EXOC2: variants seen among roughly 807,000 people sequenced by gnomAD.
The protein encoded by EXOC2 is SEC5-like 1.
Under a neutral mutation model 131.8 loss-of-function variants are expected in EXOC2, and 70 were observed. The ratio of observed to expected loss-of-function variants is 0.53; its 90% confidence interval spans 0.44 to 0.65. The LOEUF is 0.65. EXOC2 is among the 30% of genes least tolerant of loss of function. The pLI is 0.00. For missense variants in EXOC2, 923 were observed against 1,108.6 expected (o/e 0.83, Z 2.38); for synonymous variants, 411 against 398.4 (o/e 1.03, Z -0.38).
At chr6:673,496 G>A (rs1763970051) in intron 1 of EXOC2, among the ~76,000 whole-genome samples, 1 of 152,036 alleles carries the variant, frequency 6.6e-6, no homozygotes, top group African/African-American at 2.4e-5. Context: ...AAACAGAAAA[G>A]ATTTCTATTT....
At chr6:529,104 C>T (rs9504229) in intron 23 of EXOC2, among the ~76,000 whole-genome samples, 13,441 of 125,776 alleles carry the variant, frequency 0.11, 877 homozygotes, top group Admixed American at 0.14. Flanking sequence ...AGCCCGGCAT[C>T]GCCTGCCTTT....
rs778414700 is a variant in EXOC2, at chr6:564,633, G to A, written c.1579C>T (p.Arg527Trp). The A allele has an allele frequency of 8.7e-6, 14 of 1,612,354 alleles. No homozygotes were observed. The highest frequency in any genetic ancestry group is 1.3e-5 in the African/African-American group (1 of 74,816). ...CCGTACTGCTTGGCTTCCCCATCCC[G>A]GATGCTGAGGGGAAGCAGGGCTCCG... The part of the protein sequence containing the change: ...TRGALLPLSI[R>W]DGEAKQYGGW... The change falls in exon 15 of 28, where the codon CGG becomes TGG. Residue 527 changes from arginine to tryptophan, a missense_variant. Arg to Trp is a moderately radical substitution (Grantham distance 101). Coordinates refer to ENST00000230449, the MANE Select transcript of EXOC2 (RefSeq NM_018303.6).
intron 7 of EXOC2, among the ~76,000 whole-genome samples, chr6:600,454 T>C (rs1424887457): frequency 2.6e-5 from 4 of 152,196 alleles, no homozygotes; most frequent in African/African-American, 9.6e-5. Context: ...TTAAAAAATA[T>C]AAATTTCAAG....
At chr6:680,512 A>T (rs1240259626) in intron 1 of EXOC2, among the ~76,000 whole-genome samples, 1 of 152,198 alleles carries the variant, frequency 6.6e-6, no homozygotes, top group Non-Finnish European at 1.5e-5. Flanking sequence ...CCCTGTGGCA[A>T]TAAGCATGTA....
At chr6:570,136 C>CTTTT (rs11423850) in intron 13 of EXOC2, among the ~76,000 whole-genome samples, 2 of 139,968 alleles carry the variant, frequency 1.4e-5, no homozygotes, top group Non-Finnish European at 3.1e-5. Flanking sequence ...AATTCTTTCT[C>CTTTT]TTTTTTTTTT....
chr6:583,554 C>T (rs1759032073), intron 11 of EXOC2, among the ~76,000 whole-genome samples: 1 of 152,210 alleles, frequency 6.6e-6, no homozygotes, highest in African/African-American at 2.4e-5. Flanking sequence ...TACTTTACTA[C>T]ATGGGGATCT....
At position 486,658 on chromosome 6, in the gene EXOC2, A is replaced by G. The variant is rs367643711; in HGVS notation, c.*13T>C. ...CGTGTTATTTTCCTGGACTTCTTTT[A>G]TGTGGCAGATATTTATGTTTTCATC... is the stretch of plus-strand genomic sequence containing the variant. On this transcript the variant is annotated 3_prime_UTR_variant, in exon 28 of 28. Coordinates refer to ENST00000230449, the MANE Select transcript of EXOC2 (RefSeq NM_018303.6). The G allele has an allele frequency of 3.2e-5, 51 of 1,611,040 alleles. No individual in the cohort carries two copies. Among genetic ancestry groups the G allele is most frequent in the East Asian group, 2.7e-4 (12 of 44,856 alleles).
chr6:511,620 T>C (rs1052825445), intron 23 of EXOC2, among the ~76,000 whole-genome samples: 7 of 152,228 alleles, frequency 4.6e-5, no homozygotes, highest in South Asian at 2.1e-4. Flanking sequence ...GGCATCTGGA[T>C]TGAACCCAGC....
chr6:687,363 T>G (rs1308261276), intron 1 of EXOC2, among the ~76,000 whole-genome samples: 1 of 151,810 alleles, frequency 6.6e-6, no homozygotes, highest in Admixed American at 6.6e-5. Flanking sequence ...TTCTAATTTT[T>G]GTAGAAAAGG....
At chr6:584,355 A>G (rs1234888958) in intron 11 of EXOC2, among the ~76,000 whole-genome samples, 1 of 152,266 alleles carries the variant, frequency 6.6e-6, no homozygotes, top group Non-Finnish European at 1.5e-5. Context: ...TTTTTAAAAT[A>G]GCAAGATATA....
At chr6:553,514 G>A (rs917876148) in intron 21 of EXOC2, among the ~76,000 whole-genome samples, 6 of 152,098 alleles carry the variant, frequency 3.9e-5, no homozygotes, top group East Asian at 1.9e-4. Flanking sequence ...GGCAGGAGCC[G>A]TGAGGGGGTG....
chr6:510,226 G>A lies in EXOC2; in HGVS notation c.2381-10526C>T, dbSNP rs573775693. On this transcript the variant is annotated intron_variant, in intron 23 of 27. Coordinates refer to ENST00000230449, the MANE Select transcript of EXOC2 (RefSeq NM_018303.6). ...ACTAAAGAGTTTTAAGTTCCCCTTC[G>A]TCAGGTTTTAGTGCCCTCATTCCCA... is the stretch of plus-strand genomic sequence containing the variant. Among the ~76,000 whole-genome samples the A allele has an allele frequency of 1.9e-3, 290 of 152,230 alleles. 2 individuals are homozygous for A. Among genetic ancestry groups the A allele is most frequent in the African/African-American group, 4.5e-3 (189 of 41,550 alleles).
At chr6:599,280 T>C (rs751422970) in intron 7 of EXOC2, 55 bp from the exon 8 acceptor site, 252 of 1,482,768 alleles carry the variant, frequency 1.7e-4, no homozygotes, top group Non-Finnish European at 2.2e-4. Flanking sequence ...AATCAGAAAA[T>C]GTGTAACTGG....
At chr6:489,663 A>C (rs1203021064) in intron 26 of EXOC2, among the ~76,000 whole-genome samples, 2 of 152,266 alleles carry the variant, frequency 1.3e-5, no homozygotes, top group African/African-American at 2.4e-5. Flanking sequence ...AAACCAAATG[A>C]AAAGCATCAT....
At chr6:507,189 C>A (rs1374994498) in intron 23 of EXOC2, among the ~76,000 whole-genome samples, 2 of 20,870 alleles carry the variant, frequency 9.6e-5, no homozygotes, top group Non-Finnish European at 2.7e-4. Context: ...CAGCAGTGAC[C>A]CCCCCCACAC....
At chr6:593,749 A>G (rs1336152091) in intron 10 of EXOC2, among the ~76,000 whole-genome samples, 3 of 152,244 alleles carry the variant, frequency 2.0e-5, no homozygotes. Flanking sequence ...GTAAATCATC[A>G]TCAATGGCTC....
At chr6:632,786 T>C (rs1388821335) in intron 3 of EXOC2, among the ~76,000 whole-genome samples, 155 bp downstream of exon 3, 1 of 152,184 alleles carries the variant, frequency 6.6e-6, no homozygotes, top group East Asian at 1.9e-4. Context: ...ACACAAATAT[T>C]AACCAACATC....
chr6:665,480 A>T (rs750558537), intron 1 of EXOC2, among the ~76,000 whole-genome samples: 4 of 152,230 alleles, frequency 2.6e-5, no homozygotes, highest in Non-Finnish European at 4.4e-5. Flanking sequence ...AGATTCTTGC[A>T]CATACGTTTA....
intron 12 of EXOC2, 40 bp downstream of exon 12, chr6:576,717 A>T (rs1758599174): frequency 1.2e-6 from 2 of 1,603,036 alleles, no homozygotes. Context: ...ACACGAGTAC[A>T]AATTTAAAAG....
Sources: gnomAD v4.1 joint callset for allele counts (sites outside exome capture counted in the v4.1 genomes callset) on GRCh38, gnomAD v4.1.1 for gene constraint, MANE v1.5 for transcripts, NCBI Gene and HGNC (gene_info 2026-07-23, HGNC 2026-07-21) for gene names.